Variants in SHROOM3 observed in about 807,000 individuals in gnomAD.
SHROOM3 encodes the protein shroom family member 3.
Under a neutral mutation model 138.6 loss-of-function variants are expected in SHROOM3, and 47 were observed. The observed-to-expected ratio is 0.34, with a 90% CI of 0.27 to 0.43. The LOEUF (loss-of-function observed/expected upper bound fraction) is 0.43. Among genes scored for constraint, SHROOM3 ranks in the 20% least tolerant of loss-of-function variants. The pLI is 1.00. For missense variants in SHROOM3, 2,491 were observed against 2,596.5 expected (o/e 0.96, Z 0.88); for synonymous variants, 1,062 against 1,063.3 (o/e 1.00, Z 0.02).
chr4:76,723,250 C>T (rs2110124481), intron 3 of SHROOM3, among the ~76,000 whole-genome samples: 1 of 152,286 alleles, frequency 6.6e-6, no homozygotes, highest in East Asian at 1.9e-4. Context: ...AATGCCTCTA[C>T]AGCCTCGGTG....
rs150617668 is a variant in SHROOM3, at chr4:76,739,508, A to G, written c.1335A>G (p.Pro445=). ...AGAAGAGTCCAGAGAACAGCCCCCC[A>G]GTGAAGCCCAAGCATAACTATACCC... ...VLEKSPENSP[P]VKPKHNYTQK... Residue 445 remains proline, a synonymous_variant, in exon 5 of 11, where the codon CCA becomes CCG. Transcript: ENST00000296043. 3.9e-4 allele frequency: 631 copies of G among 1,614,134 alleles called. 1 individual carries two copies. Among genetic ancestry groups the G allele is most frequent in the Admixed American group, 1.1e-3 (69 of 60,030 alleles).
chr4:76,453,925 T>G (rs1226309709), intron 1 of SHROOM3, among the ~76,000 whole-genome samples: 3 of 152,250 alleles, frequency 2.0e-5, no homozygotes, highest in Non-Finnish European at 4.4e-5. Flanking sequence ...GCTTTTGATG[T>G]TAGATTCGAG....
chr4:76,769,870 A>G (rs891834899), intron 9 of SHROOM3, among the ~76,000 whole-genome samples: 3 of 152,226 alleles, frequency 2.0e-5, no homozygotes, highest in African/African-American at 7.2e-5. Context: ...GGTAGCTACA[A>G]TTAATATTCA....
intron 2 of SHROOM3, among the ~76,000 whole-genome samples, chr4:76,603,918 C>T (rs1485709996): frequency 6.8e-6 from 1 of 146,834 alleles, no homozygotes; most frequent in African/African-American, 2.5e-5. Context: ...TCTCAGCTCA[C>T]TGCAACCTCT....
chr4:76,690,456 A>G (rs776703634), intron 2 of SHROOM3, among the ~76,000 whole-genome samples: 2 of 152,242 alleles, frequency 1.3e-5, no homozygotes, highest in Non-Finnish European at 2.9e-5. Context: ...GGTGCCCTGC[A>G]TGCGGGTCAT....
intron 1 of SHROOM3, among the ~76,000 whole-genome samples, chr4:76,544,042 G>A (rs1240693765): frequency 6.6e-6 from 1 of 152,088 alleles, no homozygotes; most frequent in Non-Finnish European, 1.5e-5. Flanking sequence ...ACAACTTCCT[G>A]TTTTTATATT....
chr4:76,691,838 C>G (rs1375369907), intron 2 of SHROOM3, among the ~76,000 whole-genome samples: 3 of 152,182 alleles, frequency 2.0e-5, no homozygotes, highest in African/African-American at 7.2e-5. Flanking sequence ...ATGCAGAACC[C>G]ATACAGACCT....
intron 1 of SHROOM3, among the ~76,000 whole-genome samples, chr4:76,464,711 A>T (rs1731217144): frequency 6.6e-6 from 1 of 152,142 alleles, no homozygotes; most frequent in South Asian, 2.1e-4. Flanking sequence ...TGCTATTCTC[A>T]TGATAGTGAG....
intron 10 of SHROOM3, among the ~76,000 whole-genome samples, chr4:76,778,375 C>T (rs1290193914): frequency 6.6e-6 from 1 of 152,072 alleles, no homozygotes; most frequent in Non-Finnish European, 1.5e-5. Flanking sequence ...GCATGCATCA[C>T]CATGCCTAGG....
intron 1 of SHROOM3, among the ~76,000 whole-genome samples, chr4:76,458,069 A>T (rs1337099347): frequency 7.2e-5 from 11 of 152,234 alleles, no homozygotes; most frequent in African/African-American, 2.4e-4. Flanking sequence ...CTGGGATTAC[A>T]GGCATGAGTC....
intron 2 of SHROOM3, among the ~76,000 whole-genome samples, chr4:76,620,917 G>A (rs915907415): frequency 6.7e-5 from 10 of 149,512 alleles, no homozygotes; most frequent in African/African-American, 2.3e-4. Flanking sequence ...GGATGAAGGG[G>A]CACTTTTCCC....
At chr4:76,448,951 C>T (rs951244378) in intron 1 of SHROOM3, among the ~76,000 whole-genome samples, 6 of 152,294 alleles carry the variant, frequency 3.9e-5, no homozygotes, top group Non-Finnish European at 8.8e-5. Context: ...GGAAATCCAT[C>T]CCTAGACAGG....
chr4:76,752,931 A>T (rs1426887713), intron 6 of SHROOM3, among the ~76,000 whole-genome samples: 1 of 152,228 alleles, frequency 6.6e-6, no homozygotes, highest in East Asian at 1.9e-4. Context: ...AACTGACTCC[A>T]CATCCTGTTA....
chr4:76,683,626 T>C (rs1719259787), intron 2 of SHROOM3, among the ~76,000 whole-genome samples: 1 of 152,128 alleles, frequency 6.6e-6, no homozygotes, highest in Admixed American at 6.5e-5. Flanking sequence ...ATCTTCAAGG[T>C]GTGACAGTTC....
intron 1 of SHROOM3, among the ~76,000 whole-genome samples, chr4:76,548,060 T>A (rs1733263140): frequency 6.7e-6 from 1 of 149,226 alleles, no homozygotes; most frequent in Non-Finnish European, 1.5e-5. Context: ...AAAGGCCCCC[T>A]CTGGAAGACG....
chr4:76,738,691 G>A, intron 4 of SHROOM3, 70 bp from the exon 5 acceptor site: 2 of 1,551,512 alleles, frequency 1.3e-6, no homozygotes, highest in Non-Finnish European at 1.8e-6. Flanking sequence ...TTTATAAGCT[G>A]GGTCCTCTGC....
chr4:76,482,341 A>G (rs1353606695), intron 1 of SHROOM3, among the ~76,000 whole-genome samples: 2 of 152,184 alleles, frequency 1.3e-5, no homozygotes, highest in African/African-American at 4.8e-5. Context: ...AAAAATCACA[A>G]GCATTCCTAT....
chr4:76,698,850 G>C (rs1200941766), intron 2 of SHROOM3, among the ~76,000 whole-genome samples: 1 of 152,090 alleles, frequency 6.6e-6, no homozygotes, highest in Non-Finnish European at 1.5e-5. Flanking sequence ...TATTCCCAAG[G>C]AGCTCAGGTA....
intron 1 of SHROOM3, among the ~76,000 whole-genome samples, chr4:76,444,730 G>A (rs60529470): frequency 0.31 from 46,939 of 151,110 alleles, 8,785 homozygotes; most frequent in Non-Finnish European, 0.43. Context: ...TCCTGACTTC[G>A]TGATCCGCCT....
Sources: allele counts gnomAD v4.1 joint callset (sites outside exome capture counted in the v4.1 genomes callset), GRCh38; gene constraint gnomAD v4.1.1; transcripts MANE v1.5; gene names NCBI Gene and HGNC (gene_info 2026-07-23, HGNC 2026-07-21).